The following MAD1L1 variants were observed in gnomAD, a reference collection of about 807,000 sequenced individuals.
The protein encoded by MAD1L1 is mitotic spindle assembly checkpoint protein MAD1.
In MAD1L1, 95 loss-of-function variants were observed where a neutral mutation model predicts 96.9. That is an observed-to-expected ratio of 0.98 (90% confidence interval 0.83 to 1.16). The LOEUF (loss-of-function observed/expected upper bound fraction) is 1.16. MAD1L1 is among the 50% of genes most tolerant of loss of function. The pLI is 0.00. For synonymous variants in MAD1L1, 473 were observed against 396.6 expected (o/e 1.19, Z -2.29); for missense variants, 1,007 against 954.4 (o/e 1.06, Z -0.73).
intron 11 of MAD1L1, among the ~76,000 whole-genome samples, chr7:2,144,470 C>T (rs866030636): frequency 1.3e-5 from 2 of 152,196 alleles, no homozygotes; most frequent in Non-Finnish European, 2.9e-5. Flanking sequence ...CATGGCCCCA[C>T]GCATCCCTGC....
chr7:2,069,604 G>A (rs1364888313), intron 11 of MAD1L1, among the ~76,000 whole-genome samples: 2 of 152,234 alleles, frequency 1.3e-5, no homozygotes, highest in South Asian at 2.1e-4. Context: ...AAAAATTGTC[G>A]GCGACGCAGC....
At chr7:2,219,797 G>C (rs1380962545) in intron 5 of MAD1L1, among the ~76,000 whole-genome samples, 1 of 152,102 alleles carries the variant, frequency 6.6e-6, no homozygotes, top group Non-Finnish European at 1.5e-5. Context: ...TGGTGCTCCA[G>C]AGCAGCACAG....
At chr7:1,949,320 G>A (rs1408132370) in intron 16 of MAD1L1, among the ~76,000 whole-genome samples, 4 of 152,206 alleles carry the variant, frequency 2.6e-5, no homozygotes, top group Admixed American at 1.3e-4. Flanking sequence ...GAGCTCTGCC[G>A]GGCACGCAAG....
intron 10 of MAD1L1, 48 bp downstream of exon 10, chr7:2,213,164 G>A: frequency 6.3e-7 from 1 of 1,595,464 alleles, no homozygotes; most frequent in African/African-American, 1.3e-5. Context: ...TCTTCACCCA[G>A]GACCCTTCAA....
chr7:2,008,290 A>G (rs1782127683), intron 13 of MAD1L1, among the ~76,000 whole-genome samples: 1 of 152,230 alleles, frequency 6.6e-6, no homozygotes, highest in South Asian at 2.1e-4. Context: ...GGGTTCCTCC[A>G]GGAAACCGCA....
chr7:2,195,952 G>T (rs1351013297), intron 10 of MAD1L1, among the ~76,000 whole-genome samples: 1 of 152,264 alleles, frequency 6.6e-6, no homozygotes, highest in Non-Finnish European at 1.5e-5. Context: ...CTAAATGGAT[G>T]GCAGCTCCCA....
intron 12 of MAD1L1, among the ~76,000 whole-genome samples, chr7:2,049,028 T>C (rs1784054146): frequency 1.3e-5 from 2 of 152,258 alleles, no homozygotes; most frequent in African/African-American, 4.8e-5. Flanking sequence ...CATATGTTTG[T>C]TGAGTGAGTT....
Position 2,029,574 on chromosome 7 carries a change from AT to A in MAD1L1, c.1219-14933del, listed in dbSNP as rs201631767. 3.2e-3 allele frequency among the ~76,000 whole-genome samples: 476 copies of A among 149,802 alleles called. 1 individual carries two copies. The highest frequency in any genetic ancestry group is 6.9e-3 in the Middle Eastern group (2 of 290). The stretch of plus-strand genomic sequence containing the variant: ...CTAATAAAAAGATTAAAAGGCAGTA[AT>A]TTTTTTTTTTAAACGGAACTCCATA... On this transcript the variant is annotated intron_variant, in intron 12 of 18. Transcript: ENST00000265854.
intron 10 of MAD1L1, among the ~76,000 whole-genome samples, chr7:2,209,725 C>G (rs889543812): frequency 6.6e-6 from 1 of 152,204 alleles, no homozygotes; most frequent in Admixed American, 6.5e-5. Context: ...CCCAGCAAAG[C>G]CTGGGCCCGA....
At chr7:2,155,809 G>A (rs1789804925) in intron 10 of MAD1L1, among the ~76,000 whole-genome samples, 1 of 152,180 alleles carries the variant, frequency 6.6e-6, no homozygotes, top group Admixed American at 6.5e-5. Context: ...AATGATCTCG[G>A]GTGGATACGC....
chr7:1,999,332 T>C (rs1347594589), intron 14 of MAD1L1, among the ~76,000 whole-genome samples: 1 of 152,070 alleles, frequency 6.6e-6, no homozygotes, highest in African/African-American at 2.4e-5. Context: ...AACCCAGACC[T>C]GAGAAAGGCC....
At chr7:1,922,362 T>C (rs1408867414) in intron 17 of MAD1L1, among the ~76,000 whole-genome samples, 1 of 152,268 alleles carries the variant, frequency 6.6e-6, no homozygotes. Flanking sequence ...GCCTGCAGAT[T>C]TCATCTTCAG....
chr7:1,924,145 T>A (rs1298155475), intron 17 of MAD1L1, among the ~76,000 whole-genome samples: 1 of 152,252 alleles, frequency 6.6e-6, no homozygotes, highest in Non-Finnish European at 1.5e-5. Context: ...AGTGAGATTT[T>A]AAAGACGCTC....
rs1166171326 is a variant in MAD1L1 at position 1,980,527 on chromosome 7, C to T, written c.1431G>A (p.Leu477=). Residue 477 remains leucine, a synonymous_variant, in exon 15 of 19, where the codon CTG becomes CTA. Coordinates refer to ENST00000265854, the MANE Select transcript of MAD1L1 (RefSeq NM_001013836.2). ...KQRADMLEME[L]KMLKSQSSSA... ...AGCTGGACTGAGACTTCAGCATCTT[C>T]AGCTCCATCTCCAGCTAGGAGAAAG... 6.2e-7 allele frequency: 1 copy of T among 1,609,130 alleles called. No homozygotes were observed. Among genetic ancestry groups the T allele is most frequent in the Non-Finnish European group, 8.5e-7 (1 of 1,179,216 alleles).
intron 15 of MAD1L1, among the ~76,000 whole-genome samples, chr7:1,960,703 C>T (rs1779917329): frequency 6.6e-6 from 1 of 152,188 alleles, no homozygotes. Flanking sequence ...CAATGACAAT[C>T]TGAGACTTCA....
At chr7:2,061,846 C>G (rs1054165644) in intron 12 of MAD1L1, among the ~76,000 whole-genome samples, 19 of 152,234 alleles carry the variant, frequency 1.2e-4, no homozygotes, top group African/African-American at 4.1e-4. Flanking sequence ...ATCAACAAAT[C>G]TCAGCTATAC....
In MAD1L1 at chr7:2,106,094, C is replaced by T. The variant is rs543431791; in HGVS notation, c.1074-36756G>A. On this transcript the variant is annotated intron_variant, in intron 11 of 18. Coordinates refer to ENST00000265854, the MANE Select transcript of MAD1L1 (RefSeq NM_001013836.2). ...ATCTATCACACACAGCGCCAGCCATCACACAGCCCCGCCCCTCCACCCTGC... is the reference window on the plus strand; with the variant it reads ...ATCTATCACACACAGCGCCAGCCATTACACAGCCCCGCCCCTCCACCCTGC... Among the ~76,000 whole-genome samples the T allele has an allele frequency of 3.7e-3, 557 of 150,388 alleles. 4 individuals carry two copies. The highest frequency in any genetic ancestry group is 0.013 in the African/African-American group (518 of 40,858).
chr7:2,175,148 C>T (rs890340987), intron 10 of MAD1L1: 2 of 152,280 alleles, frequency 1.3e-5, no homozygotes, highest in Admixed American at 6.5e-5. Context: ...CACCCCGTCC[C>T]GAAAAGCGCC....
intron 15 of MAD1L1, among the ~76,000 whole-genome samples, chr7:1,963,407 G>C (rs1450737312): frequency 6.6e-6 from 1 of 152,178 alleles, no homozygotes; most frequent in East Asian, 1.9e-4. Context: ...AAGCACGTCG[G>C]CGGGTTTGGG....
Sources: gnomAD v4.1 joint callset for allele counts (sites outside exome capture counted in the v4.1 genomes callset) on GRCh38, gnomAD v4.1.1 for gene constraint, MANE v1.5 for transcripts, NCBI Gene and HGNC (gene_info 2026-07-23, HGNC 2026-07-21) for gene names.